The following MTRF1 variants were observed in gnomAD, a reference collection of about 807,000 sequenced individuals.
The protein encoded by MTRF1 is peptide chain release factor 1, mitochondrial.
MTRF1 carries 51 observed loss-of-function variants against 62.9 expected under a neutral mutation model. The ratio of observed to expected loss-of-function variants is 0.81; its 90% CI spans 0.65 to 1.02. The LOEUF (loss-of-function observed/expected upper bound fraction) is 1.02, where lower values mean the gene tolerates loss of function less well. MTRF1 is among the 50% of genes least tolerant of loss of function. The probability of loss-of-function intolerance (pLI) is 0.00; values close to 1 mark genes in which losing one functional copy is unlikely to be tolerated. For missense variants in MTRF1, 446 were observed against 530.0 expected (o/e 0.84, Z 1.56); for synonymous variants, 158 against 181.9 (o/e 0.87, Z 1.06).
At chr13:41,229,644 A>C (rs1297613685) in intron 7 of MTRF1, 1 of 152,088 alleles carries the variant, frequency 6.6e-6, no homozygotes, top group Non-Finnish European at 1.5e-5. Flanking sequence ...CCTTTTACCC[A>C]ATTTTTTACC....
At chr13:41,241,202 G>A (rs190227335) in intron 5 of MTRF1, among the ~76,000 whole-genome samples, 55 of 152,122 alleles carry the variant, frequency 3.6e-4, no homozygotes, top group African/African-American at 1.2e-3. Context: ...CCACCACCAC[G>A]TCCGGCTAAT....
chr13:41,217,015 C>T lies in MTRF1; in HGVS notation c.*100G>A. The T allele has an allele frequency of 1.6e-6, 1 of 606,682 alleles. No homozygotes were observed. 37.6% of individuals were successfully genotyped at this position (606,682 alleles called of 1,614,324 possible). A position where few individuals can be genotyped will look rare whatever the true frequency, so the allele number is the denominator to read the frequency against. Reference sequence around the variant, plus strand: ...ATTTATGTGTAATGTGTTCTTAAAGCTGTAATTTACAAATATTCATAATGA... The same window carrying T: ...ATTTATGTGTAATGTGTTCTTAAAGTTGTAATTTACAAATATTCATAATGA... On this transcript the variant is annotated 3_prime_UTR_variant, in exon 10 of 10. Coordinates refer to ENST00000379480, the MANE Select transcript of MTRF1 (RefSeq NM_004294.4).
Position 41,245,618 on chromosome 13 carries a change from T to C in MTRF1, c.698-5185A>G, listed in dbSNP as rs555952275. Among the ~76,000 whole-genome samples, 48 of 152,324 alleles carry C rather than the reference T, an allele frequency of 3.2e-4. No individual in the cohort carries two copies. In the South Asian group the frequency reaches 9.3e-3, roughly 30 times the overall value. On this transcript the variant is annotated intron_variant, in intron 5 of 9. Transcript: ENST00000379480. ...GTAGTCATATCTTTCTAATGTGCTT[T>C]CATTGTCTGTAGGGATCTTATTCTA... is the stretch of plus-strand genomic sequence containing the variant.
At chr13:41,263,305 T>C (rs1263713228) in intron 1 of MTRF1, 180 bp downstream of exon 1, 2 of 1,289,292 alleles carry the variant, frequency 1.6e-6, no homozygotes, top group Non-Finnish European at 2.0e-6. Flanking sequence ...CCATTACCCA[T>C]CACAGTAACA....
At chr13:41,311,680 C>A in the MTRF1 span, 1 of 1,081,170 alleles carries the variant, frequency 9.2e-7, no homozygotes, top group African/African-American at 1.6e-5. Context: ...CCAGGCTTGG[C>A]CTCCGCTGCC....
At chr13:41,256,684 A>T (rs1409374781) in intron 2 of MTRF1, among the ~76,000 whole-genome samples, 1 of 152,202 alleles carries the variant, frequency 6.6e-6, no homozygotes, top group African/African-American at 2.4e-5. Context: ...ACAAATGGAA[A>T]CCAGGCTGAC....
chr13:41,222,893 C>A (rs2033681329), intron 9 of MTRF1, among the ~76,000 whole-genome samples: 1 of 152,166 alleles, frequency 6.6e-6, no homozygotes, highest in African/African-American at 2.4e-5. Context: ...CTACAGAAAT[C>A]ATGAGATAAT....
intron 1 of MTRF1, among the ~76,000 whole-genome samples, 157 bp from the exon 2 acceptor site, chr13:41,261,072 G>A (rs552272288): frequency 2.6e-5 from 4 of 152,338 alleles, no homozygotes; most frequent in African/African-American, 4.8e-5. Flanking sequence ...AGTGGCTCAC[G>A]CCAGTAATCC....
the MTRF1 span, among the ~76,000 whole-genome samples, chr13:41,297,696 G>A: frequency 1.3e-5 from 2 of 151,516 alleles, no homozygotes; most frequent in Non-Finnish European, 2.9e-5. Context: ...CTGCCTCAGC[G>A]TCCCGAGTGG....
chr13:41,264,457 GTCTT>G (rs2040771912), upstream of MTRF1, among the ~76,000 whole-genome samples: 2 of 152,164 alleles, frequency 1.3e-5, no homozygotes, highest in Admixed American at 6.5e-5. Context: ...GCAATTTACA[GTCTT>G]TCTATCTCCA....
chr13:41,289,738 A>G, the MTRF1 span, among the ~76,000 whole-genome samples: 1 of 152,190 alleles, frequency 6.6e-6, no homozygotes. Flanking sequence ...CAGCAAATCA[A>G]AGAGATCCAC....
intron 7 of MTRF1, among the ~76,000 whole-genome samples, chr13:41,228,470 G>C (rs1478506503): frequency 6.6e-6 from 1 of 152,126 alleles, no homozygotes; most frequent in Non-Finnish European, 1.5e-5. Flanking sequence ...GGGGGCTGAG[G>C]TAGGAGGATG....
At chr13:41,289,177 GCAA>G in the MTRF1 span, among the ~76,000 whole-genome samples, 1 of 151,402 alleles carries the variant, frequency 6.6e-6, no homozygotes, top group African/African-American at 2.4e-5. Context: ...CTTATTCTAC[GCAA>G]CAACAACGAA....
At chr13:41,295,562 GA>G in the MTRF1 span, among the ~76,000 whole-genome samples, 7 of 146,828 alleles carry the variant, frequency 4.8e-5, no homozygotes, top group African/African-American at 1.2e-4. Context: ...TAACAGGTCT[GA>G]AAAAAAAAAG....
chr13:41,278,442 T>G, the MTRF1 span, among the ~76,000 whole-genome samples: 2 of 152,242 alleles, frequency 1.3e-5, no homozygotes, highest in Admixed American at 1.3e-4. Context: ...ATTGGTTACT[T>G]GGGATATGCC....
the MTRF1 span, among the ~76,000 whole-genome samples, chr13:41,309,341 A>AGTGTGTGTGTGTGT: frequency 0.011 from 1,469 of 135,630 alleles, 11 homozygotes; most frequent in East Asian, 0.02. Context: ...ATGCCCAGCT[A>AGTGTGTGTGTGTGT]GTGTGTGTGT....
At chr13:41,222,599 T>C (rs1468486433) in intron 9 of MTRF1, among the ~76,000 whole-genome samples, 1 of 152,224 alleles carries the variant, frequency 6.6e-6, no homozygotes, top group Non-Finnish European at 1.5e-5. Flanking sequence ...CCCGAGTCAT[T>C]CCTGCAAGAA....
chr13:41,311,465 C>T, the MTRF1 span: 3 of 1,515,898 alleles, frequency 2.0e-6, no homozygotes, highest in Non-Finnish European at 2.7e-6. Flanking sequence ...TGCCCACCCC[C>T]GCGAAGCGGA....
Position 41,234,011 on chromosome 13 carries a change from G to A in MTRF1, c.871-4C>T. ...TGGGGTCCAATTTCACATCCACCTA[G>A]AACAGAAGGCATGGCATAATTCTAC... On this transcript the variant is annotated splice_region_variant and splice_polypyrimidine_tract_variant and intron_variant, in intron 6 of 9. Coordinates refer to ENST00000379480, the MANE Select transcript of MTRF1 (RefSeq NM_004294.4). 6.3e-7 allele frequency: 1 copy of A among 1,595,192 alleles called. No homozygotes were observed. Among genetic ancestry groups the A allele is most frequent in the Non-Finnish European group, 8.6e-7 (1 of 1,162,890 alleles).
Sources: allele counts gnomAD v4.1 joint callset (sites outside exome capture counted in the v4.1 genomes callset), GRCh38; gene constraint gnomAD v4.1.1; transcripts MANE v1.5; gene names NCBI Gene and HGNC (gene_info 2026-07-23, HGNC 2026-07-21).